Variants in PANK2 observed in about 807,000 individuals in gnomAD.
The protein encoded by PANK2 is pantothenate kinase 2, mitochondrial.
Under a neutral mutation model 43.1 loss-of-function variants are expected in PANK2, and 36 were observed. The observed-to-expected ratio is 0.84, with a 90% confidence interval of 0.64 to 1.10. The LOEUF is 1.10. Ranked by LOEUF, PANK2 falls within the 50% of genes least tolerant of loss-of-function variation. PANK2 has a pLI of 0.00. For missense variants in PANK2, 576 were observed against 593.3 expected, an observed-to-expected ratio of 0.97 and a Z score of 0.30; for synonymous variants, 281 against 238.2, an observed-to-expected ratio of 1.18 and a Z score of -1.66.
At chr20:3,923,112 C>T (rs541794910) in intron 6 of PANK2, 132 bp from the exon 7 acceptor site, 2 of 1,056,124 alleles carry the variant, frequency 1.9e-6, no homozygotes, top group East Asian at 2.4e-5. Flanking sequence ...TGGCCTTGGC[C>T]CTTCTGGGGT....
In PANK2 at chr20:3,889,902, G is replaced by A. The variant is rs981302107; in HGVS notation, c.298+174G>A. ...TGGAGGCCTCGGGTGCTCCGAAAGC[G>A]GTACCTTCGGGGGCCCCCCCGCACC... On this transcript the variant is annotated intron_variant, in intron 1 of 6. Transcript: ENST00000610179. The A allele has an allele frequency of 4.9e-5, 75 of 1,532,246 alleles. No individual in the cohort carries two copies. The African/African-American group carries it at 9.7e-4, about 20-fold the overall frequency. The allele number at this position is 1,532,246 out of a possible 1,614,324, so 94.9% of individuals were successfully genotyped here. A position where few individuals can be genotyped will look rare whatever the true frequency, so the allele number is the denominator to read the frequency against.
At chr20:3,915,273 A>G (rs1048877600) in intron 4 of PANK2, among the ~76,000 whole-genome samples, 1 of 151,656 alleles carries the variant, frequency 6.6e-6, no homozygotes, top group African/African-American at 2.4e-5. Context: ...TTTAGCTCAT[A>G]TATATATATG....
intron 4 of PANK2, among the ~76,000 whole-genome samples, chr20:3,913,291 C>T (rs1024005898): frequency 4.6e-5 from 7 of 152,160 alleles, no homozygotes; most frequent in Admixed American, 2.6e-4. Flanking sequence ...CATATGTTTT[C>T]AAACATTCAC....
In PANK2 at chr20:3,918,719, A is replaced by G. The variant is rs761156912; in HGVS notation, c.1255A>G (p.Ile419Val). Residue 419 changes from isoleucine to valine, a missense_variant, in exon 6 of 7, where the codon ATC becomes GTC. Transcript: ENST00000610179. Reference sequence around the variant, plus strand: ...TGGAAATTTCTTGAGAATTAATACGATCGCCATGCGGCTTTTGGCATATGC... The same window carrying G: ...TGGAAATTTCTTGAGAATTAATACGGTCGCCATGCGGCTTTTGGCATATGC... The G allele has an allele frequency of 3.6e-5, 58 of 1,614,154 alleles. No homozygotes were observed. Among genetic ancestry groups the G allele is most frequent in the Non-Finnish European group, 4.7e-5 (56 of 1,180,056 alleles).
Position 3,889,724 on chromosome 20 carries a change from G to A in PANK2, c.294G>A (p.Arg98=), listed in dbSNP as rs1443740202. 3.1e-6 allele frequency: 5 copies of A among 1,595,706 alleles called. No individual in the cohort carries two copies. In the East Asian group the frequency reaches 1.1e-4, roughly 36 times the overall value. Reference sequence around the variant, plus strand: ...GCGTCGAAAGCCTGAGGAAAAAGCGGCCGCGTAAGTGTTCCGTGGGGCGCC... The same window carrying A: ...GCGTCGAAAGCCTGAGGAAAAAGCGACCGCGTAAGTGTTCCGTGGGGCGCC... Residue 98 remains arginine, a synonymous_variant, in exon 1 of 7, where the codon CGG becomes CGA. Coordinates refer to ENST00000610179, the MANE Select transcript of PANK2 (RefSeq NM_001386393.1).
chr20:3,897,215 G>T (rs537947948), intron 1 of PANK2, among the ~76,000 whole-genome samples: 2 of 152,308 alleles, frequency 1.3e-5, no homozygotes, highest in Admixed American at 1.3e-4. Flanking sequence ...GATTTCAGTC[G>T]TTGAGACCTA....
At chr20:3,903,687 G>T (rs1440876745) in intron 1 of PANK2, among the ~76,000 whole-genome samples, 1 of 151,168 alleles carries the variant, frequency 6.6e-6, no homozygotes, top group Non-Finnish European at 1.5e-5. Flanking sequence ...GAGTGCAGTG[G>T]TGTGATCTCG....
chr20:3,920,202 T>G (rs184353398), intron 6 of PANK2, among the ~76,000 whole-genome samples: 77 of 133,630 alleles, frequency 5.8e-4, no homozygotes, highest in Admixed American at 1.9e-3. Context: ...GGAGATTAGT[T>G]TTTTAAGTTA....
intron 3 of PANK2, 144 bp from the exon 4 acceptor site, chr20:3,912,314 T>C: frequency 1.1e-6 from 1 of 882,218 alleles, no homozygotes; most frequent in Non-Finnish European, 1.8e-6. Flanking sequence ...AGGCACCTTA[T>C]CTTTTCACAG....
At position 3,895,278 on chromosome 20, in the gene PANK2, AAAATAAAT is replaced by A. The variant is rs765107934; in HGVS notation, c.298+5569_298+5576del. 1.9e-3 allele frequency among the ~76,000 whole-genome samples: 283 copies of A among 151,780 alleles called. 2 individuals carry two copies. Among genetic ancestry groups the A allele is most frequent in the African/African-American group, 6.3e-3 (259 of 41,376 alleles). On this transcript the variant is annotated intron_variant, in intron 1 of 6. Transcript: ENST00000610179. ...GACAGGGCGAGACTCCATCTCAAAT[AAAATAAAT>A]AAATAAATAAATAAATAATAATAAA...
chr20:3,918,745 T>C lies in PANK2; in HGVS notation c.1281T>C (p.Ala427=), dbSNP rs2090601871. ...TCGCCATGCGGCTTTTGGCATATGC[T>C]TTGGATTATTGGTCCAAGGGGCAGT... is the stretch of plus-strand genomic sequence containing the variant. The change falls in exon 6 of 7, where the codon GCT becomes GCC. Residue 427 remains alanine (A), a synonymous_variant. Coordinates refer to ENST00000610179, the MANE Select transcript of PANK2 (RefSeq NM_001386393.1). 6.2e-7 allele frequency: 1 copy of C among 1,614,260 alleles called. No homozygotes were observed. Among genetic ancestry groups the C allele is most frequent in the Non-Finnish European group, 8.5e-7 (1 of 1,180,046 alleles).
chr20:3,896,229 ATTTTTTTTTT>A (rs35978823), intron 1 of PANK2, among the ~76,000 whole-genome samples: 13 of 111,932 alleles, frequency 1.2e-4, no homozygotes, highest in Non-Finnish European at 1.8e-4. Flanking sequence ...CGCCTGGCTA[ATTTTTTTTTT>A]TTTTTTTTTT....
intron 6 of PANK2, among the ~76,000 whole-genome samples, chr20:3,922,718 G>C (rs957791406): frequency 6.6e-6 from 1 of 152,064 alleles, no homozygotes; most frequent in African/African-American, 2.4e-5. Flanking sequence ...CCCTCCTGCT[G>C]TCCTGTCCTC....
intron 4 of PANK2, among the ~76,000 whole-genome samples, chr20:3,914,354 T>C (rs543032429): frequency 6.6e-6 from 1 of 152,176 alleles, no homozygotes; most frequent in Admixed American, 6.6e-5. Flanking sequence ...CTCGCCCTGT[T>C]GCCCACATGA....
At chr20:3,914,569 G>A (rs938040232) in intron 4 of PANK2, among the ~76,000 whole-genome samples, 3 of 151,640 alleles carry the variant, frequency 2.0e-5, no homozygotes, top group Non-Finnish European at 2.9e-5. Context: ...AACATGTTGG[G>A]ATTACAGGTG....
chr20:3,903,620 A>G (rs1424855701), intron 1 of PANK2, among the ~76,000 whole-genome samples: 1 of 143,400 alleles, frequency 7.0e-6, no homozygotes, highest in African/African-American at 2.6e-5. Context: ...GCGTTCCACC[A>G]CGCCCAGCTA....
chr20:3,901,243 T>G (rs1296920559), intron 1 of PANK2, among the ~76,000 whole-genome samples: 2 of 151,858 alleles, frequency 1.3e-5, no homozygotes, highest in African/African-American at 4.8e-5. Context: ...GATGTGGTCT[T>G]GCTGTGTTGT....
rs184054711 is a variant in PANK2, at chr20:3,908,647, A to C, written c.651+369A>C. The C allele has an allele frequency of 2.6e-5, 6 of 233,950 alleles. No individual in the cohort carries two copies. The Admixed American group carries it at 3.1e-4, about 12-fold the overall frequency. 14.5% of individuals were successfully genotyped at this position (233,950 alleles called of 1,614,324 possible). A position where few individuals can be genotyped will look rare whatever the true frequency, so the allele number is the denominator to read the frequency against. On this transcript the variant is annotated intron_variant, in intron 2 of 6. Transcript: ENST00000610179. ...AAAATTGTTTTCAGTCTTGTCTACC[A>C]CATAATTTCTCTTGTCTCCCTCAGT...
At chr20:3,891,600 C>T (rs755851856) in intron 1 of PANK2, among the ~76,000 whole-genome samples, 1 of 152,164 alleles carries the variant, frequency 6.6e-6, no homozygotes, top group Non-Finnish European at 1.5e-5. Flanking sequence ...TAAGACCAAG[C>T]ATAAGTTTGA....
Sources: gnomAD v4.1 joint callset for allele counts (sites outside exome capture counted in the v4.1 genomes callset) on GRCh38, gnomAD v4.1.1 for gene constraint, MANE v1.5 for transcripts, NCBI Gene and HGNC (gene_info 2026-07-23, HGNC 2026-07-21) for gene names.